The following TBCK variants were observed in gnomAD, a reference collection of about 807,000 sequenced individuals.
TBCK encodes TBC1 domain containing kinase, also known as TBC domain-containing protein kinase-like protein.
A neutral mutation model predicts 113.4 loss-of-function variants in TBCK; 99 were observed. That is an observed-to-expected ratio of 0.87 (90% CI 0.74 to 1.03). TBCK has a LOEUF of 1.03. TBCK is among the 50% of genes least tolerant of loss of function. The pLI is 0.00. For missense variants in TBCK, 1,045 were observed against 1,061.3 expected (o/e 0.98, Z 0.21); for synonymous variants, 369 against 370.8 (o/e 1.00, Z 0.05).
chr4:106,056,435 C>T (rs2149452743), intron 25 of TBCK, among the ~76,000 whole-genome samples: 1 of 151,462 alleles, frequency 6.6e-6, no homozygotes, highest in East Asian at 2.0e-4. Context: ...AAGTATCTCT[C>T]TCTCTCTTTA....
chr4:106,255,582 T>C lies in TBCK; in HGVS notation c.456-3575A>G, dbSNP rs960422323. Among the ~76,000 whole-genome samples, 4 of 152,156 alleles carry C rather than the reference T, an allele frequency of 2.6e-5. No homozygotes were observed. The East Asian group carries it at 5.8e-4, about 22-fold the overall frequency. On this transcript the variant is annotated intron_variant, in intron 5 of 25. Coordinates refer to ENST00000394708, the MANE Select transcript of TBCK (RefSeq NM_001163435.3). ...ATGGTTGTGCCCGGAAACTTGGAGA[T>C]GCCAGGAACTGCAGAGCCCCAAAGA...
At chr4:106,142,307 T>A (rs997351485) in intron 23 of TBCK, among the ~76,000 whole-genome samples, 4 of 152,186 alleles carry the variant, frequency 2.6e-5, no homozygotes, top group African/African-American at 9.6e-5. Context: ...TGAAACAACA[T>A]TTAGCAGTAA....
intron 23 of TBCK, among the ~76,000 whole-genome samples, chr4:106,121,189 C>T (rs1261188692): frequency 2.0e-5 from 3 of 151,278 alleles, no homozygotes; most frequent in African/African-American, 7.3e-5. Flanking sequence ...ATCTACCAAG[C>T]AAATGGAAAA....
intron 5 of TBCK, among the ~76,000 whole-genome samples, chr4:106,255,807 T>C (rs918688789): frequency 2.0e-5 from 3 of 152,118 alleles, no homozygotes; most frequent in African/African-American, 7.2e-5. Context: ...AAGAATAAGG[T>C]ACATGGACAA....
intron 20 of TBCK, among the ~76,000 whole-genome samples, chr4:106,200,122 T>C (rs62318075): frequency 0.076 from 11,627 of 152,320 alleles, 510 homozygotes; most frequent in Middle Eastern, 0.18. Context: ...ATCTCTGATA[T>C]GCTTCCACAT....
chr4:106,061,695 C>T (rs539259111), intron 25 of TBCK, among the ~76,000 whole-genome samples: 2 of 150,326 alleles, frequency 1.3e-5, no homozygotes, highest in East Asian at 2.0e-4. Flanking sequence ...TGTATATGCC[C>T]GATTCACAGG....
chr4:106,173,513 T>A (rs1395446551), intron 22 of TBCK, among the ~76,000 whole-genome samples: 1 of 152,100 alleles, frequency 6.6e-6, no homozygotes, highest in Non-Finnish European at 1.5e-5. Flanking sequence ...ACCAGCAAAG[T>A]TTGAAGGTGA....
chr4:106,092,753 G>A (rs1342096439), intron 25 of TBCK, among the ~76,000 whole-genome samples: 5 of 152,206 alleles, frequency 3.3e-5, no homozygotes, highest in South Asian at 4.1e-4. Flanking sequence ...GCGCAGTCCC[G>A]GTTCCCGCCT....
chr4:106,093,331 C>T (rs1390335879), intron 25 of TBCK, among the ~76,000 whole-genome samples: 1 of 152,070 alleles, frequency 6.6e-6, no homozygotes, highest in Non-Finnish European at 1.5e-5. Flanking sequence ...ATGGTGAAAC[C>T]CCGTCTCTAC....
intron 23 of TBCK, among the ~76,000 whole-genome samples, chr4:106,131,109 G>A (rs976851503): frequency 9.9e-5 from 15 of 152,144 alleles, no homozygotes; most frequent in Non-Finnish European, 5.9e-5. Context: ...TCATGGTAGT[G>A]AGTAAGTCTC....
intron 23 of TBCK, among the ~76,000 whole-genome samples, chr4:106,167,368 G>A (rs1750522365): frequency 6.6e-6 from 1 of 151,006 alleles, no homozygotes; most frequent in South Asian, 2.1e-4. Flanking sequence ...AAAATTGGTG[G>A]AATGCATCAA....
At chr4:106,048,322 T>TGATTCTCTGC (rs1403117399) in intron 25 of TBCK, among the ~76,000 whole-genome samples, 2 of 152,158 alleles carry the variant, frequency 1.3e-5, no homozygotes, top group African/African-American at 2.4e-5. Context: ...ATCTTCTCTG[T>TGATTCTCTGC]GATTCTCTGC....
chr4:106,093,341 C>A (rs1056875735), intron 25 of TBCK, among the ~76,000 whole-genome samples: 2 of 152,132 alleles, frequency 1.3e-5, no homozygotes, highest in Admixed American at 1.3e-4. Context: ...CCCGTCTCTA[C>A]TAAAAATACG....
At chr4:106,193,446 G>T (rs565722931) in intron 22 of TBCK, among the ~76,000 whole-genome samples, 163 bp downstream of exon 22, 2 of 152,254 alleles carry the variant, frequency 1.3e-5, no homozygotes, top group South Asian at 4.1e-4. Flanking sequence ...TGCTGGGTCA[G>T]CAGAAGAAGC....
chr4:106,284,870 T>A (rs1490247938), intron 3 of TBCK, among the ~76,000 whole-genome samples: 2 of 152,152 alleles, frequency 1.3e-5, no homozygotes, highest in East Asian at 3.8e-4. Flanking sequence ...GGAGTTGAGA[T>A]CTAAATTTCT....
At chr4:106,293,286 C>T (rs549799294) in intron 3 of TBCK, among the ~76,000 whole-genome samples, 1 of 152,236 alleles carries the variant, frequency 6.6e-6, no homozygotes, top group East Asian at 1.9e-4. Context: ...GCAGGGTTTT[C>T]TGCAGTGACA....
intron 23 of TBCK, among the ~76,000 whole-genome samples, chr4:106,153,902 C>T (rs1461347781): frequency 6.6e-6 from 1 of 151,784 alleles, no homozygotes; most frequent in Non-Finnish European, 1.5e-5. Flanking sequence ...TTTCCATTGG[C>T]ATGCAATATC....
At chr4:106,199,104 G>A (rs1436298636) in intron 20 of TBCK, among the ~76,000 whole-genome samples, 1 of 152,138 alleles carries the variant, frequency 6.6e-6, no homozygotes, top group Non-Finnish European at 1.5e-5. Flanking sequence ...AAGAGCAGTA[G>A]ATATTCATTA....
chr4:106,261,118 G>C (rs1295039214), intron 4 of TBCK, among the ~76,000 whole-genome samples: 1 of 151,610 alleles, frequency 6.6e-6, no homozygotes, highest in African/African-American at 2.4e-5. Context: ...TAATCTATAA[G>C]GCTTTAAAAT....
Sources: allele counts gnomAD v4.1 joint callset (sites outside exome capture counted in the v4.1 genomes callset), GRCh38; gene constraint gnomAD v4.1.1; transcripts MANE v1.5; gene names NCBI Gene and HGNC (gene_info 2026-07-23, HGNC 2026-07-21).